Variants in PDZD8 observed in about 807,000 individuals in gnomAD.
The protein encoded by PDZD8 is PDZ domain containing 8.
PDZD8 carries 14 observed loss-of-function variants against 85.8 expected under a neutral mutation model. That is an observed-to-expected ratio of 0.16 (90% CI 0.11 to 0.26). The LOEUF (loss-of-function observed/expected upper bound fraction) is 0.26. Ranked by LOEUF, PDZD8 falls within the 10% of genes least tolerant of loss-of-function variation. PDZD8 has a pLI of 1.00. For missense variants in PDZD8, 1,197 were observed against 1,424.3 expected, an observed-to-expected ratio of 0.84 and a Z score of 2.57; for synonymous variants, 592 against 568.6, an observed-to-expected ratio of 1.04 and a Z score of -0.59.
At chr10:117,318,322 G>C (rs943722140) in intron 3 of PDZD8, among the ~76,000 whole-genome samples, 3 of 151,958 alleles carry the variant, frequency 2.0e-5, no homozygotes, top group African/African-American at 7.3e-5. Context: ...TGAATCTTTG[G>C]GAATAGCTTT....
chr10:117,352,928 T>G (rs183535251), intron 1 of PDZD8, among the ~76,000 whole-genome samples: 1 of 152,022 alleles, frequency 6.6e-6, no homozygotes, highest in Non-Finnish European at 1.5e-5. Flanking sequence ...TGCTGATTGG[T>G]TGGGGCAGAG....
Position 117,284,405 on chromosome 10 carries a change from CAT to C in PDZD8, c.2326_2327del (p.Met776AlafsTer6), listed in dbSNP as rs1232997556. The C allele has an allele frequency of 6.2e-7, 1 of 1,614,072 alleles. No individual in the cohort carries two copies. Among genetic ancestry groups the C allele is most frequent in the African/African-American group, 1.3e-5 (1 of 74,936 alleles). Reference protein sequence around the residue: ...VTRTALRNLSMQKGFNDKFCY... With the variant: ...VTRTALRNLSXQKGFNDKFCY... Reference sequence around the variant, plus strand: ...AAAATTTGTCATTGAATCCCTTTTGCATACTCAGATTGCGTAGTGCGGTTCTA... The same window carrying C: ...AAAATTTGTCATTGAATCCCTTTTGCACTCAGATTGCGTAGTGCGGTTCTA... On this transcript the variant is annotated frameshift_variant, in exon 5 of 5. Transcript: ENST00000334464. LOFTEE classifies it high-confidence loss of function.
chr10:117,336,780 T>G (rs1381144643), intron 2 of PDZD8, among the ~76,000 whole-genome samples: 1 of 151,830 alleles, frequency 6.6e-6, no homozygotes, highest in Non-Finnish European at 1.5e-5. Flanking sequence ...AAAATAAAAA[T>G]TCATGGGTCA....
At position 117,291,154 on chromosome 10, in the gene PDZD8, G is replaced by A. The variant is rs573065234; in HGVS notation, c.1099-806C>T. Among the ~76,000 whole-genome samples, 9 of 152,028 alleles carry A rather than the reference G, an allele frequency of 5.9e-5. No homozygotes were observed. The East Asian group carries it at 9.8e-4, about 16-fold the overall frequency. On this transcript the variant is annotated intron_variant, in intron 3 of 4. Coordinates refer to ENST00000334464, the MANE Select transcript of PDZD8 (RefSeq NM_173791.5). Reference sequence around the variant, plus strand: ...CTCCCAAAGTGCTAGGATTAAAGGCGTGAGCCATCCCACCCGGCCAGTGTA... The same window carrying A: ...CTCCCAAAGTGCTAGGATTAAAGGCATGAGCCATCCCACCCGGCCAGTGTA...
chr10:117,346,991 C>T (rs941348387), intron 1 of PDZD8, among the ~76,000 whole-genome samples: 4 of 151,976 alleles, frequency 2.6e-5, no homozygotes, highest in African/African-American at 9.7e-5. Context: ...CTCTTTTGAG[C>T]TACCCACTTT....
At chr10:117,333,896 T>C (rs1476166345) in intron 2 of PDZD8, among the ~76,000 whole-genome samples, 2 of 152,202 alleles carry the variant, frequency 1.3e-5, no homozygotes, top group Non-Finnish European at 2.9e-5. Context: ...AAAAGATCAA[T>C]GTATTTCTGG....
At position 117,291,525 on chromosome 10, in the gene PDZD8, C is replaced by T. The variant is rs1053417053; in HGVS notation, c.1099-1177G>A. On this transcript the variant is annotated intron_variant, in intron 3 of 4. Transcript: ENST00000334464. ...GCCCGGGCAACAAAGCGAGACTCCA[C>T]CTCAGAAAAAAAAAAAGAGTTATCA... Among the ~76,000 whole-genome samples, 40 of 19,504 alleles carry T rather than the reference C, an allele frequency of 2.1e-3. 1 individual carries two copies. In the South Asian group the frequency reaches 0.033, roughly 16 times the overall value. 12.8% of individuals were successfully genotyped at this position (19,504 alleles called of 152,430 possible).
chr10:117,321,799 T>C (rs1844230014), intron 2 of PDZD8, among the ~76,000 whole-genome samples: 1 of 152,204 alleles, frequency 6.6e-6, no homozygotes, highest in Non-Finnish European at 1.5e-5. Context: ...TAAATCAATA[T>C]ATTGTGACAA....
intron 3 of PDZD8, among the ~76,000 whole-genome samples, chr10:117,298,268 C>A (rs1425222328): frequency 6.6e-6 from 1 of 152,000 alleles, no homozygotes; most frequent in Non-Finnish European, 1.5e-5. Context: ...GTTAAAAAAT[C>A]AAATATAGAA....
At chr10:117,347,229 A>T (rs981455490) in intron 1 of PDZD8, among the ~76,000 whole-genome samples, 2 of 152,132 alleles carry the variant, frequency 1.3e-5, no homozygotes, top group African/African-American at 4.8e-5. Context: ...TAAGTCTGAT[A>T]AGAAACGTTT....
chr10:117,330,844 C>T (rs529581898), intron 2 of PDZD8, among the ~76,000 whole-genome samples: 3 of 152,360 alleles, frequency 2.0e-5, no homozygotes, highest in African/African-American at 7.2e-5. Flanking sequence ...GACATCTACA[C>T]TTCATTCAGA....
intron 3 of PDZD8, among the ~76,000 whole-genome samples, chr10:117,299,723 A>G (rs1002292332): frequency 5.3e-5 from 8 of 150,764 alleles, no homozygotes; most frequent in African/African-American, 2.0e-4. Context: ...TCCATATCCT[A>G]TTTTTTTTCT....
intron 3 of PDZD8, among the ~76,000 whole-genome samples, chr10:117,304,668 G>T (rs557407785): frequency 1.3e-5 from 2 of 152,064 alleles, no homozygotes; most frequent in Admixed American, 6.6e-5. Context: ...CATGGGGGCC[G>T]GTCTTTCCCA....
At chr10:117,309,956 A>G (rs781711114) in intron 3 of PDZD8, among the ~76,000 whole-genome samples, 3 of 152,152 alleles carry the variant, frequency 2.0e-5, no homozygotes, top group Non-Finnish European at 4.4e-5. Context: ...TTCTGATGTC[A>G]CTTTCATTCT....
At chr10:117,288,895 T>C (rs1844711797) in intron 4 of PDZD8, among the ~76,000 whole-genome samples, 1 of 152,242 alleles carries the variant, frequency 6.6e-6, no homozygotes, top group African/African-American at 2.4e-5. Flanking sequence ...TTAGGTTAAT[T>C]AATTTATTTT....
chr10:117,283,826 T>C lies in PDZD8; in HGVS notation c.2907A>G (p.Lys969=), dbSNP rs1440109184. The C allele has an allele frequency of 6.2e-6, 10 of 1,614,212 alleles. No homozygotes were observed. Among genetic ancestry groups the C allele is most frequent in the Non-Finnish European group, 8.5e-6 (10 of 1,180,030 alleles). The change falls in exon 5 of 5, where the codon AAA becomes AAG. Residue 969 remains lysine (K), a synonymous_variant. Coordinates refer to ENST00000334464, the MANE Select transcript of PDZD8 (RefSeq NM_173791.5). ...PGTDLVEPSP[K]HTPNTSDNEG... ...CGTTGTCTGACGTGTTGGGTGTGTG[T>C]TTTGGTGAAGGTTCTACGAGATCGG...
intron 2 of PDZD8, among the ~76,000 whole-genome samples, chr10:117,329,955 A>AGGAG (rs1446342101): frequency 7.9e-6 from 1 of 125,898 alleles, no homozygotes; most frequent in African/African-American, 3.0e-5. Context: ...CAAGAAAGGA[A>AGGAG]GGAGGGAGGA....
intron 1 of PDZD8, 29 bp from the exon 2 acceptor site, chr10:117,341,131 T>C (rs763673054): frequency 1.2e-6 from 2 of 1,604,098 alleles, no homozygotes; most frequent in African/African-American, 2.7e-5. Flanking sequence ...AGTCTAAATG[T>C]CTGAATAATA....
rs754521481 is a variant in PDZD8, at chr10:117,284,527, G to A, written c.2206C>T (p.Leu736Phe). The A allele has an allele frequency of 5.0e-6, 8 of 1,614,134 alleles. No individual in the cohort carries two copies. The Admixed American group carries it at 1.3e-4, about 27-fold the overall frequency. ...AGGCATCCTAAAGCCACATCTTCAA[G>A]TTTTAAACTAACATGCCCCAAACAG... ...LICLGHVSLK[L>F]EDVALGCLAT... Residue 736 changes from leucine (L) to phenylalanine (F), a missense_variant, in exon 5 of 5, where the codon CTT becomes TTT. Coordinates refer to ENST00000334464, the MANE Select transcript of PDZD8 (RefSeq NM_173791.5).
Sources: allele counts gnomAD v4.1 joint callset (sites outside exome capture counted in the v4.1 genomes callset), GRCh38; gene constraint gnomAD v4.1.1; transcripts MANE v1.5; gene names NCBI Gene and HGNC (gene_info 2026-07-23, HGNC 2026-07-21).